The following PREX1 variants were observed in gnomAD, a reference collection of about 807,000 sequenced individuals.
PREX1 encodes phosphatidylinositol 3,4,5-trisphosphate-dependent Rac exchanger 1 protein.
In PREX1, 41 loss-of-function variants were observed where a neutral mutation model predicts 198.3. The ratio of observed to expected loss-of-function variants is 0.21; its 90% CI spans 0.16 to 0.27. PREX1 has a LOEUF of 0.27. Among genes scored for constraint, PREX1 ranks in the 10% least tolerant of loss-of-function variants. PREX1 has a pLI of 1.00. For missense variants in PREX1, 1,620 were observed against 2,200.7 expected, an observed-to-expected ratio of 0.74 and a Z score of 5.28; for synonymous variants, 843 against 887.2, an observed-to-expected ratio of 0.95 and a Z score of 0.89.
intron 38 of PREX1, 122 bp downstream of exon 38, chr20:48,627,739 C>T (rs543149029): frequency 1.4e-6 from 2 of 1,401,664 alleles, no homozygotes; most frequent in Non-Finnish European, 2.0e-6. Flanking sequence ...TGCTCCCCTC[C>T]AGATTCAGAG....
chr20:48,723,394 G>T (rs2089994703), intron 5 of PREX1, among the ~76,000 whole-genome samples: 1 of 152,246 alleles, frequency 6.6e-6, no homozygotes, highest in Admixed American at 6.5e-5. Context: ...GGGGGGGACA[G>T]AATTCCCCTG....
At chr20:48,854,055 C>A in the PREX1 span, among the ~76,000 whole-genome samples, 1 of 152,210 alleles carries the variant, frequency 6.6e-6, no homozygotes, top group Non-Finnish European at 1.5e-5. Context: ...GGCAGCTGCT[C>A]CGAACAACCC....
At chr20:48,721,865 C>T (rs889915731) in intron 5 of PREX1, among the ~76,000 whole-genome samples, 2 of 151,558 alleles carry the variant, frequency 1.3e-5, no homozygotes, top group African/African-American at 2.4e-5. Flanking sequence ...CTCCTCATGG[C>T]GAGACATGGG....
At chr20:48,880,878 C>T in the PREX1 span, among the ~76,000 whole-genome samples, 1 of 149,882 alleles carries the variant, frequency 6.7e-6, no homozygotes, top group South Asian at 2.1e-4. Context: ...TTTAAGGTGT[C>T]CAGCTGCCAA....
At chr20:48,631,366 C>G (rs1001479865) in intron 35 of PREX1, among the ~76,000 whole-genome samples, 4 of 152,156 alleles carry the variant, frequency 2.6e-5, no homozygotes, top group Non-Finnish European at 5.9e-5. Context: ...TTTGACAACC[C>G]CTGCTCTAGA....
At chr20:48,723,244 C>T (rs1471343974) in intron 5 of PREX1, among the ~76,000 whole-genome samples, 8 of 152,162 alleles carry the variant, frequency 5.3e-5, no homozygotes, top group South Asian at 2.1e-4. Context: ...CAGAGGGCCA[C>T]GGGGACCCCT....
rs987494601 is a variant in PREX1, at chr20:48,707,643, A to C, written c.783+617T>G. Among the ~76,000 whole-genome samples the C allele has an allele frequency of 2.6e-5, 4 of 152,230 alleles. No individual in the cohort carries two copies. In the East Asian group the frequency reaches 7.7e-4, roughly 29 times the overall value. On this transcript the variant is annotated intron_variant, in intron 6 of 39. Transcript: ENST00000371941. Reference sequence around the variant, plus strand: ...TGATATGGATTTTTTTCATTTATTCATATTTTCCCATTTCCTTCTACGGAT... The same window carrying C: ...TGATATGGATTTTTTTCATTTATTCCTATTTTCCCATTTCCTTCTACGGAT...
chr20:48,625,858 G>T lies in PREX1; in HGVS notation c.*27C>A. On this transcript the variant is annotated 3_prime_UTR_variant, in exon 40 of 40. Coordinates refer to ENST00000371941, the MANE Select transcript of PREX1 (RefSeq NM_020820.4). Reference sequence around the variant, plus strand: ...CTCCCAAATCCCAGCTCCAGAGGCCGCGGCCCAGCGTGGGGCATTTGGGTG... The same window carrying T: ...CTCCCAAATCCCAGCTCCAGAGGCCTCGGCCCAGCGTGGGGCATTTGGGTG... The T allele has an allele frequency of 2.6e-6, 4 of 1,549,598 alleles. No individual in the cohort carries two copies. The South Asian group carries it at 3.6e-5, about 14-fold the overall frequency.
At chr20:48,643,866 G>A (rs1024571429) in intron 27 of PREX1, among the ~76,000 whole-genome samples, 4 of 152,100 alleles carry the variant, frequency 2.6e-5, no homozygotes, top group African/African-American at 7.2e-5. Flanking sequence ...TAGTAGAGAC[G>A]GGGTTTCACC....
At chr20:48,746,080 G>A (rs904899573) in intron 2 of PREX1, among the ~76,000 whole-genome samples, 4 of 152,190 alleles carry the variant, frequency 2.6e-5, no homozygotes, top group African/African-American at 9.7e-5. Flanking sequence ...AAGTACAGTG[G>A]CACAAACTTG....
intron 15 of PREX1, among the ~76,000 whole-genome samples, chr20:48,662,948 G>A (rs1169132661): frequency 6.6e-6 from 1 of 152,164 alleles, no homozygotes; most frequent in Non-Finnish European, 1.5e-5. Context: ...CCACAAATGA[G>A]AGGTTGTGCC....
intron 1 of PREX1, among the ~76,000 whole-genome samples, chr20:48,779,914 T>C (rs1458178677): frequency 2.0e-5 from 3 of 152,212 alleles, no homozygotes; most frequent in Non-Finnish European, 4.4e-5. Context: ...GGAAGTCTTC[T>C]CTATCCAGAC....
chr20:48,715,903 A>G (rs974451975), intron 5 of PREX1, among the ~76,000 whole-genome samples: 26 of 152,206 alleles, frequency 1.7e-4, no homozygotes, highest in African/African-American at 4.3e-4. Context: ...TATATAAGGA[A>G]ACTGAGGCAC....
intron 7 of PREX1, 79 bp from the exon 8 acceptor site, chr20:48,692,869 A>G: frequency 8.2e-7 from 1 of 1,219,814 alleles, no homozygotes; most frequent in African/African-American, 1.5e-5. Context: ...AAAGGGGAAC[A>G]CAACACTGAG....
rs11467059 is a variant in PREX1 at position 48,696,977 on chromosome 20, T to TACACAC, written c.917+3770_917+3775dup. Among the ~76,000 whole-genome samples the TACACAC allele has an allele frequency of 6.5e-3, 972 of 148,690 alleles. 14 individuals are homozygous for TACACAC. The highest frequency in any genetic ancestry group is 0.031 in the Middle Eastern group (9 of 292). ...GTCAACTGCTTATTATAAATCTCTT[T>TACACAC]ACACACACACACACACACACACACA... On this transcript the variant is annotated intron_variant, in intron 7 of 39. Transcript: ENST00000371941.
Position 48,671,426 on chromosome 20 carries a change from C to T in PREX1, c.1665+4767G>A, listed in dbSNP as rs563340478. 2.6e-5 allele frequency among the ~76,000 whole-genome samples: 4 copies of T among 152,296 alleles called. No individual in the cohort carries two copies. The South Asian group carries it at 8.3e-4, about 32-fold the overall frequency. ...CCTGGGTACAGACGGCATTGTTGAG[C>T]TCTAGGACCACAAACTCCAGACAAT... On this transcript the variant is annotated intron_variant, in intron 14 of 39. Coordinates refer to ENST00000371941, the MANE Select transcript of PREX1 (RefSeq NM_020820.4).
At chr20:48,657,350 AG>A (rs1424937880) in intron 17 of PREX1, among the ~76,000 whole-genome samples, 162 bp from the exon 18 acceptor site, 1 of 152,194 alleles carries the variant, frequency 6.6e-6, no homozygotes, top group Non-Finnish European at 1.5e-5. Context: ...GAGGGGCACA[AG>A]GGACCTGGTT....
At chr20:48,856,902 T>C in the PREX1 span, among the ~76,000 whole-genome samples, 1 of 152,240 alleles carries the variant, frequency 6.6e-6, no homozygotes, top group Non-Finnish European at 1.5e-5. Context: ...TGCAGTAGCA[T>C]GATCTCGGTT....
Position 48,681,263 on chromosome 20 carries a change from G to A in PREX1, c.1407C>T (p.Ala469=), listed in dbSNP as rs776828003. The change falls in exon 11 of 40, where the codon GCC becomes GCT. Residue 469 remains alanine, a synonymous_variant. Transcript: ENST00000371941. ...KTEEGVNLGQ[A]LLENGIIHHV... is the part of the protein sequence containing the mutation. The stretch of plus-strand genomic sequence containing the variant: ...GGTGGATGATGCCATTCTCCAACAG[G>A]GCTTGGCCCAAGTTGACTCCTTCTT... The A allele has an allele frequency of 6.2e-7, 1 of 1,614,160 alleles. No homozygotes were observed. Among genetic ancestry groups the A allele is most frequent in the Non-Finnish European group, 8.5e-7 (1 of 1,180,046 alleles).
Sources: gnomAD v4.1 joint callset for allele counts (sites outside exome capture counted in the v4.1 genomes callset) on GRCh38, gnomAD v4.1.1 for gene constraint, MANE v1.5 for transcripts, NCBI Gene and HGNC (gene_info 2026-07-23, HGNC 2026-07-21) for gene names.